The following OPCML variants were observed in gnomAD, a reference collection of about 807,000 sequenced individuals.
OPCML encodes opioid-binding protein/cell adhesion molecule.
A neutral mutation model predicts 37.8 loss-of-function variants in OPCML; 13 were observed. The ratio of observed to expected loss-of-function variants is 0.34; its 90% CI spans 0.22 to 0.55. The LOEUF (loss-of-function observed/expected upper bound fraction) is 0.55, where lower values mean the gene tolerates loss of function less well. OPCML is among the 20% of genes least tolerant of loss of function. The probability of loss-of-function intolerance (pLI) is 0.91; values close to 1 mark genes in which losing one functional copy is unlikely to be tolerated. For missense variants in OPCML, 341 were observed against 435.6 expected, an observed-to-expected ratio of 0.78 and a Z score of 1.93; for synonymous variants, 176 against 168.8, an observed-to-expected ratio of 1.04 and a Z score of -0.33.
In OPCML at chr11:132,668,521, C is replaced by T. The variant is rs537064732; in HGVS notation, c.147-11202G>A. 1.8e-3 allele frequency among the ~76,000 whole-genome samples: 275 copies of T among 152,190 alleles called. 1 individual carries two copies. The highest frequency in any genetic ancestry group is 6.3e-3 in the African/African-American group (263 of 41,508). On this transcript the variant is annotated intron_variant, in intron 2 of 7. Coordinates refer to ENST00000524381, the MANE Select transcript of OPCML (RefSeq NM_001012393.5). ...ATTATGAGGACTGAAGAAAGTGATG[C>T]GTGTTGAGAATAGGAATTATACTTG...
At chr11:133,225,294 A>G (rs1220433356) in intron 1 of OPCML, among the ~76,000 whole-genome samples, 1 of 152,214 alleles carries the variant, frequency 6.6e-6, no homozygotes, top group Admixed American at 6.5e-5. Context: ...AAATATTCTC[A>G]AAATCATAGT....
chr11:132,422,236 C>T (rs7925276), intron 7 of OPCML, among the ~76,000 whole-genome samples: 1,633 of 152,228 alleles, frequency 0.011, 25 homozygotes, highest in African/African-American at 0.037. Context: ...CATTCTATCC[C>T]AAGTTCTACC....
chr11:133,093,540 A>C (rs1948947104), intron 1 of OPCML, among the ~76,000 whole-genome samples: 1 of 152,154 alleles, frequency 6.6e-6, no homozygotes, highest in Non-Finnish European at 1.5e-5. Context: ...AATTCCACTT[A>C]ATGCTCATAG....
chr11:132,746,755 G>T (rs745429562), intron 2 of OPCML, among the ~76,000 whole-genome samples: 7 of 152,140 alleles, frequency 4.6e-5, no homozygotes, highest in African/African-American at 1.7e-4. Context: ...TGTCATTTTT[G>T]ACTCCCGGGT....
chr11:133,171,677 G>T (rs568332595), intron 1 of OPCML, among the ~76,000 whole-genome samples: 1 of 152,342 alleles, frequency 6.6e-6, no homozygotes, highest in South Asian at 2.1e-4. Context: ...TTTTCCCAAA[G>T]TTTTAGTGAA....
chr11:132,453,836 G>T (rs545250605), intron 4 of OPCML, among the ~76,000 whole-genome samples: 1 of 152,218 alleles, frequency 6.6e-6, no homozygotes, highest in African/African-American at 2.4e-5. Context: ...AGGGTGAGGA[G>T]GAAGAGACAT....
intron 1 of OPCML, among the ~76,000 whole-genome samples, chr11:133,169,836 G>GA (rs1420782311): frequency 3.9e-5 from 6 of 152,108 alleles, no homozygotes; most frequent in South Asian, 4.2e-4. Context: ...TGTAATTTGG[G>GA]AAAAAATCAT....
intron 2 of OPCML, among the ~76,000 whole-genome samples, chr11:132,909,455 C>G (rs1333981716): frequency 1.3e-5 from 2 of 152,210 alleles, no homozygotes; most frequent in Admixed American, 1.3e-4. Flanking sequence ...TGTGCCACAG[C>G]TTCCTGGAAG....
chr11:132,652,069 T>C (rs549357885), intron 3 of OPCML, among the ~76,000 whole-genome samples: 2 of 152,264 alleles, frequency 1.3e-5, no homozygotes, highest in Admixed American at 1.3e-4. Flanking sequence ...TTCAGAGTGC[T>C]GAAGAGCTCA....
intron 1 of OPCML, among the ~76,000 whole-genome samples, chr11:133,150,698 CA>C (rs997323953): frequency 1.3e-5 from 2 of 152,126 alleles, no homozygotes; most frequent in African/African-American, 4.8e-5. Context: ...TGGCATCTTA[CA>C]AAATCTTCCT....
chr11:132,847,323 T>C (rs1387077334), intron 2 of OPCML, among the ~76,000 whole-genome samples: 2 of 152,168 alleles, frequency 1.3e-5, no homozygotes, highest in Middle Eastern at 3.2e-3. Context: ...TGTATATCCA[T>C]TGCATTAGAG....
chr11:133,349,694 T>C (rs1264956340), intron 1 of OPCML, among the ~76,000 whole-genome samples: 2 of 152,150 alleles, frequency 1.3e-5, no homozygotes, highest in Non-Finnish European at 2.9e-5. Context: ...GTGGCCACAT[T>C]CCCCACGGTG....
chr11:133,259,422 C>T (rs1254115999), intron 1 of OPCML, among the ~76,000 whole-genome samples: 1 of 152,110 alleles, frequency 6.6e-6, no homozygotes, highest in African/African-American at 2.4e-5. Flanking sequence ...GATTTGTACC[C>T]CAGCAGTGAG....
rs1245833072 is a variant in OPCML at position 133,174,007 on chromosome 11, C to T, written c.62-230997G>A. Among the ~76,000 whole-genome samples, 1 of 152,182 alleles carries T rather than the reference C, an allele frequency of 6.6e-6. No homozygotes were observed. The highest frequency in any genetic ancestry group is 2.4e-5 in the African/African-American group (1 of 41,442). On this transcript the variant is annotated intron_variant, in intron 1 of 7. Transcript: ENST00000524381. The surrounding 1 kb of genome is among the most constrained non-coding windows in gnomAD (Gnocchi z 4.6). The stretch of plus-strand genomic sequence containing the variant: ...CGCTGACATAAATCAGGGGCAGCAA[C>T]GGATGAGCATGGAGAAACGGCCTGG...
intron 3 of OPCML, among the ~76,000 whole-genome samples, chr11:132,609,371 C>T (rs1301606520): frequency 2.0e-5 from 3 of 152,174 alleles, no homozygotes; most frequent in African/African-American, 7.2e-5. Flanking sequence ...CTTCGAAGGC[C>T]GTGTTCTTTC....
intron 4 of OPCML, among the ~76,000 whole-genome samples, chr11:132,484,659 G>C (rs559553678): frequency 1.3e-5 from 2 of 152,082 alleles, no homozygotes; most frequent in Non-Finnish European, 2.9e-5. Flanking sequence ...CAAAGACTTG[G>C]AACCAAGCCA....
chr11:132,830,598 T>G (rs957282830), intron 2 of OPCML, among the ~76,000 whole-genome samples: 4 of 152,202 alleles, frequency 2.6e-5, no homozygotes, highest in African/African-American at 9.7e-5. Context: ...AAAATCATAA[T>G]GCCCAATTAC....
chr11:133,386,216 CTTTT>C (rs1458106435), intron 1 of OPCML, among the ~76,000 whole-genome samples: 1 of 152,108 alleles, frequency 6.6e-6, no homozygotes, highest in Non-Finnish European at 1.5e-5. Flanking sequence ...TTTTTTCTTT[CTTTT>C]TATTTTTAAC....
At chr11:132,835,635 T>A (rs889804843) in intron 2 of OPCML, among the ~76,000 whole-genome samples, 3 of 152,246 alleles carry the variant, frequency 2.0e-5, no homozygotes, top group Non-Finnish European at 4.4e-5. Context: ...CATGGTGGGA[T>A]ACCTGTGTTT....
Sources: allele counts gnomAD v4.1 joint callset (sites outside exome capture counted in the v4.1 genomes callset), GRCh38; gene constraint gnomAD v4.1.1; non-coding constraint Gnocchi (gnomAD v3.1); transcripts MANE v1.5; gene names NCBI Gene and HGNC (gene_info 2026-07-23, HGNC 2026-07-21).